Variants in SLC4A10 observed in about 807,000 individuals in gnomAD.
SLC4A10 encodes sodium-driven chloride bicarbonate exchanger.
Under a neutral mutation model 137.7 loss-of-function variants are expected in SLC4A10, and 42 were observed. That is an observed-to-expected ratio of 0.30 (90% CI 0.24 to 0.39). The LOEUF is 0.39. Among genes scored for constraint, SLC4A10 ranks in the 10% least tolerant of loss-of-function variants. The probability of loss-of-function intolerance (pLI) is 1.00; values close to 1 mark genes in which losing one functional copy is unlikely to be tolerated. For synonymous variants in SLC4A10, 474 were observed against 464.1 expected (o/e 1.02, Z -0.27); for missense variants, 925 against 1,355.0 (o/e 0.68, Z 4.98).
chr2:161,909,960 G>T (rs1424688443), intron 15 of SLC4A10, among the ~76,000 whole-genome samples: 1 of 152,064 alleles, frequency 6.6e-6, no homozygotes, highest in Non-Finnish European at 1.5e-5. Context: ...TTTAGATGTT[G>T]CTGGTCTCAT....
intron 3 of SLC4A10, among the ~76,000 whole-genome samples, chr2:161,838,016 G>C (rs922940516): frequency 2.6e-5 from 4 of 152,094 alleles, no homozygotes; most frequent in Non-Finnish European, 5.9e-5. Context: ...AGACATCCAG[G>C]CTTCAGAACT....
intron 11 of SLC4A10, among the ~76,000 whole-genome samples, chr2:161,895,520 G>A (rs984924019): frequency 6.6e-6 from 1 of 152,124 alleles, no homozygotes; most frequent in Non-Finnish European, 1.5e-5. Flanking sequence ...CTAGTTTACA[G>A]TCCCACCAAC....
chr2:161,777,703 G>A (rs1048850597), intron 2 of SLC4A10, among the ~76,000 whole-genome samples: 4 of 151,980 alleles, frequency 2.6e-5, no homozygotes, highest in African/African-American at 4.8e-5. Context: ...TTACTGTCAC[G>A]AGAACAGCAC....
At chr2:161,753,743 A>G (rs1204203902) in intron 1 of SLC4A10, among the ~76,000 whole-genome samples, 1 of 152,106 alleles carries the variant, frequency 6.6e-6, no homozygotes, top group Non-Finnish European at 1.5e-5. Context: ...ACATCTATAA[A>G]TTGCAGGCAG....
At chr2:161,756,823 A>G (rs2049703709) in intron 1 of SLC4A10, among the ~76,000 whole-genome samples, 1 of 152,190 alleles carries the variant, frequency 6.6e-6, no homozygotes, top group East Asian at 1.9e-4. Flanking sequence ...ATCAAAATAT[A>G]TAACTGTATG....
At position 161,949,271 on chromosome 2, in the gene SLC4A10, A is replaced by G. The variant is rs1284008837; in HGVS notation, c.2379+10A>G. The G allele has an allele frequency of 3.3e-6, 5 of 1,524,240 alleles. No homozygotes were observed. The highest frequency in any genetic ancestry group is 4.5e-6 in the Non-Finnish European group (5 of 1,099,636). The allele number at this position is 1,524,240 out of a possible 1,614,324, so 94.4% of individuals were successfully genotyped here. On this transcript the variant is annotated intron_variant, in intron 18 of 26. Transcript: ENST00000446997. ...ACCAAGTGTTTTCAAGGTACTTACT[A>G]TCTCTCTCCCTCTTCCCATCTCTCT...
chr2:161,643,423 A>C (rs2035580060), intron 1 of SLC4A10, among the ~76,000 whole-genome samples: 1 of 152,150 alleles, frequency 6.6e-6, no homozygotes, highest in Non-Finnish European at 1.5e-5. Flanking sequence ...TACACATGCC[A>C]ATAAATGCTT....
At chr2:161,820,672 GGTAT>G (rs2057538579) in intron 3 of SLC4A10, among the ~76,000 whole-genome samples, 1 of 152,070 alleles carries the variant, frequency 6.6e-6, no homozygotes, top group Non-Finnish European at 1.5e-5. Flanking sequence ...CTATATGCAC[GGTAT>G]GTATGCATTC....
chr2:161,956,627 C>T (rs1453634421), intron 19 of SLC4A10, among the ~76,000 whole-genome samples: 1 of 152,140 alleles, frequency 6.6e-6, no homozygotes, highest in Non-Finnish European at 1.5e-5. Context: ...ACCTGGAGAT[C>T]AGTGACAGTG....
intron 1 of SLC4A10, among the ~76,000 whole-genome samples, chr2:161,696,981 T>A (rs1228819482): frequency 6.6e-6 from 1 of 152,192 alleles, no homozygotes; most frequent in Non-Finnish European, 1.5e-5. Context: ...TTTCCTGACT[T>A]TTTAATGATC....
Position 161,771,065 on chromosome 2 carries a change from T to A in SLC4A10, c.130+11T>A. 1 of 1,572,430 alleles carries A rather than the reference T, an allele frequency of 6.4e-7. No homozygotes were observed. Among genetic ancestry groups the A allele is most frequent in the Non-Finnish European group, 8.7e-7 (1 of 1,150,580 alleles). Reference sequence around the variant, plus strand: ...AAGAAGATTTAGAAGGTAAGACCATTTTTCTTGGGATAGCTATTGGTGTGC... The same window carrying A: ...AAGAAGATTTAGAAGGTAAGACCATATTTCTTGGGATAGCTATTGGTGTGC... On this transcript the variant is annotated intron_variant, in intron 2 of 26. Coordinates refer to ENST00000446997, the MANE Select transcript of SLC4A10 (RefSeq NM_001178015.2).
chr2:161,709,669 G>T (rs192788423), intron 1 of SLC4A10: 1 of 151,470 alleles, frequency 6.6e-6, no homozygotes, highest in East Asian at 1.9e-4. Flanking sequence ...TTTGGATTTC[G>T]ATGTCCATTT....
intron 1 of SLC4A10, among the ~76,000 whole-genome samples, chr2:161,720,074 A>T (rs2045460813): frequency 1.3e-5 from 2 of 152,184 alleles, no homozygotes; most frequent in African/African-American, 4.8e-5. Flanking sequence ...TTTTTGTATA[A>T]GGTGTAAGGA....
intron 7 of SLC4A10, among the ~76,000 whole-genome samples, chr2:161,873,029 T>C (rs887175092): frequency 6.6e-6 from 1 of 152,152 alleles, no homozygotes; most frequent in Non-Finnish European, 1.5e-5. Context: ...TAATCTATTG[T>C]TTAAAAACTT....
intron 5 of SLC4A10, among the ~76,000 whole-genome samples, chr2:161,858,932 C>A (rs1448213273): frequency 6.6e-6 from 1 of 152,104 alleles, no homozygotes; most frequent in Non-Finnish European, 1.5e-5. Context: ...TATTTTTTAA[C>A]CTGCCTATAC....
intron 1 of SLC4A10, among the ~76,000 whole-genome samples, chr2:161,712,272 G>C (rs574127440): frequency 6.6e-6 from 1 of 151,830 alleles, no homozygotes; most frequent in Non-Finnish European, 1.5e-5. Flanking sequence ...CAGATTCTTT[G>C]CTTCTCTGTA....
chr2:161,930,938 TATTTTG>T lies in SLC4A10; in HGVS notation c.1998-11853_1998-11848del, dbSNP rs1223857328. 2.3e-4 allele frequency among the ~76,000 whole-genome samples: 25 copies of T among 109,848 alleles called. No individual in the cohort carries two copies. In the South Asian group the frequency reaches 6.3e-3, roughly 28 times the overall value. 72.1% of individuals were successfully genotyped at this position (109,848 alleles called of 152,430 possible). Reference sequence around the variant, plus strand: ...TGTTTTGTTTTGTTTTGTTTTGTTTTATTTTGTTTTTTAAGACGCGTCTCGCTCTGT... The same window carrying T: ...TGTTTTGTTTTGTTTTGTTTTGTTTTTTTTTTAAGACGCGTCTCGCTCTGT... On this transcript the variant is annotated intron_variant, in intron 15 of 26. Coordinates refer to ENST00000446997, the MANE Select transcript of SLC4A10 (RefSeq NM_001178015.2).
intron 20 of SLC4A10, 150 bp from the exon 21 acceptor site, chr2:161,958,337 G>A (rs954035443): frequency 1.6e-6 from 1 of 625,380 alleles, no homozygotes; most frequent in African/African-American, 1.9e-5. Context: ...AAAAATGCTA[G>A]AGCTGGAACT....
rs987867214 is a variant in SLC4A10 at position 161,750,213 on chromosome 2, A to C, written c.49-20760A>C. 1.3e-5 allele frequency among the ~76,000 whole-genome samples: 2 copies of C among 150,582 alleles called. 1 individual carries two copies. Among genetic ancestry groups the C allele is most frequent in the East Asian group, 3.9e-4 (2 of 5,122 alleles). On this transcript the variant is annotated intron_variant, in intron 1 of 26. Transcript: ENST00000446997. ...TCAAGAAACCACTTTTAGTTCGATT[A>C]TTTTTTCTGTCATTTTTGTTTTCTC... is the stretch of plus-strand genomic sequence containing the variant.
Sources: allele counts gnomAD v4.1 joint callset (sites outside exome capture counted in the v4.1 genomes callset), GRCh38; gene constraint gnomAD v4.1.1; transcripts MANE v1.5; gene names NCBI Gene and HGNC (gene_info 2026-07-23, HGNC 2026-07-21).